PIK3CA: variants seen among roughly 807,000 people sequenced by gnomAD.
PIK3CA encodes the protein phosphatidylinositol-4,5-bisphosphate 3-kinase catalytic subunit alpha.
PIK3CA carries 27 observed loss-of-function variants against 138.2 expected under a neutral mutation model. That is an observed-to-expected ratio of 0.20 (90% CI 0.14 to 0.27). The LOEUF is 0.27. Among genes scored for constraint, PIK3CA ranks in the 10% least tolerant of loss-of-function variants. The pLI is 1.00. For synonymous variants in PIK3CA, 358 were observed against 413.2 expected (o/e 0.87, Z 1.62); for missense variants, 544 against 1,277.4 (o/e 0.43, Z 8.75).
intron 1 of PIK3CA, among the ~76,000 whole-genome samples, chr3:179,197,927 A>G (rs1461144668): frequency 6.6e-6 from 1 of 152,228 alleles, no homozygotes. Context: ...AATAGTTCTT[A>G]AAATATTACA....
chr3:179,170,861 T>G (rs1452690046), intron 1 of PIK3CA, among the ~76,000 whole-genome samples: 3 of 152,194 alleles, frequency 2.0e-5, no homozygotes, highest in Non-Finnish European at 2.9e-5. Context: ...GTTGGAGATT[T>G]TAATACTCTT....
intron 1 of PIK3CA, among the ~76,000 whole-genome samples, chr3:179,173,504 G>A (rs554985308): frequency 5.1e-4 from 77 of 151,340 alleles, no homozygotes; most frequent in Middle Eastern, 3.4e-3. Flanking sequence ...GCAGGAATCC[G>A]GGAGGCGGAG....
rs1204077784 is a variant in PIK3CA, at chr3:179,204,517, A to G, written c.1074A>G (p.Thr358=). 4 of 1,567,044 alleles carry G rather than the reference A, an allele frequency of 2.6e-6. No individual in the cohort carries two copies. The highest frequency in any genetic ancestry group is 2.7e-5 in the African/African-American group (2 of 74,016). The stretch of plus-strand genomic sequence containing the variant: ...TTTTCTTTTAGATCTATGTTCGAAC[A>G]GGTATCTACCATGGAGGAGAACCCT... ...IRDIDKIYVR[T]GIYHGGEPLC... The change falls in exon 6 of 21, where the codon ACA becomes ACG. Residue 358 remains threonine (T), a synonymous_variant. Coordinates refer to ENST00000263967, the MANE Select transcript of PIK3CA (RefSeq NM_006218.4).
Position 179,238,162 on chromosome 3 carries a change from G to T in PIK3CA, c.*3798G>T, listed in dbSNP as rs1333711865. On this transcript the variant is annotated 3_prime_UTR_variant, in exon 21 of 21. Transcript: ENST00000263967. ...TGTCTTTAAGAGAAGGCTGAAAGTT[G>T]TGAGAGTATATTGTATACCGTAAGA... The T allele has an allele frequency of 1.3e-5, 3 of 223,302 alleles. No individual in the cohort carries two copies. The highest frequency in any genetic ancestry group is 2.7e-5 in the Non-Finnish European group (3 of 111,688). 13.8% of individuals were successfully genotyped at this position (223,302 alleles called of 1,614,324 possible). A position where few individuals can be genotyped will look rare whatever the true frequency, so the allele number is the denominator to read the frequency against.
intron 1 of PIK3CA, among the ~76,000 whole-genome samples, chr3:179,190,727 T>C (rs556054299): frequency 1.3e-5 from 2 of 152,070 alleles, no homozygotes; most frequent in African/African-American, 4.8e-5. Flanking sequence ...GTCCAAGAAA[T>C]AAACTTGACA....
rs1725375214 is a variant in PIK3CA at position 179,238,524 on chromosome 3, A to G, written c.*4160A>G. Reference sequence around the variant, plus strand: ...AAAAAAATAGATGAGTCACAATTCAATACTTCAAGCTCAGAAACTGTGCAG... The same window carrying G: ...AAAAAAATAGATGAGTCACAATTCAGTACTTCAAGCTCAGAAACTGTGCAG... On this transcript the variant is annotated 3_prime_UTR_variant, in exon 21 of 21. Coordinates refer to ENST00000263967, the MANE Select transcript of PIK3CA (RefSeq NM_006218.4). 1.8e-5 allele frequency: 4 copies of G among 219,652 alleles called. No individual in the cohort carries two copies. Among genetic ancestry groups the G allele is most frequent in the South Asian group, 1.8e-4 (1 of 5,424 alleles). 13.6% of individuals were successfully genotyped at this position (219,652 alleles called of 1,614,324 possible). A position where few individuals can be genotyped will look rare whatever the true frequency, so the allele number is the denominator to read the frequency against.
intron 1 of PIK3CA, among the ~76,000 whole-genome samples, chr3:179,187,734 T>G (rs1191151110): frequency 6.6e-6 from 1 of 150,626 alleles, no homozygotes; most frequent in Non-Finnish European, 1.5e-5. Context: ...ACCTCCCGGG[T>G]TCAAGCTATT....
At position 179,236,635 on chromosome 3, in the gene PIK3CA, G is replaced by A. The variant is rs1240638746; in HGVS notation, c.*2271G>A. ...TTTTTATCTATCAGTCCAGATAGTT[G>A]TCTCCCCTCCTTCTCCCAGGACCTC... On this transcript the variant is annotated 3_prime_UTR_variant, in exon 21 of 21. Coordinates refer to ENST00000263967, the MANE Select transcript of PIK3CA (RefSeq NM_006218.4). The A allele has an allele frequency of 1.8e-5, 4 of 227,046 alleles. No individual in the cohort carries two copies. In the East Asian group the frequency reaches 1.9e-4, roughly 11 times the overall value. The allele number at this position is 227,046 out of a possible 1,614,324, so 14.1% of individuals were successfully genotyped here.
Position 179,162,610 on chromosome 3 carries a change from G to T in PIK3CA, c.-77+14007G>T, listed in dbSNP as rs139088480. 7.3e-4 allele frequency among the ~76,000 whole-genome samples: 111 copies of T among 152,010 alleles called. 3 individuals carry two copies. The East Asian group carries it at 0.02, about 28-fold the overall frequency. The stretch of plus-strand genomic sequence containing the variant: ...GAATTCTAGAGTAAATAGATGTAAG[G>T]CAAATATTTAAAAATCAATAGTTCT... On this transcript the variant is annotated intron_variant, in intron 1 of 20. Transcript: ENST00000263967.
intron 14 of PIK3CA, among the ~76,000 whole-genome samples, chr3:179,223,296 T>TC (rs1725009628): frequency 6.6e-6 from 1 of 152,172 alleles, no homozygotes; most frequent in South Asian, 2.1e-4. Context: ...AACCACTTTT[T>TC]CCCCCACTCA....
intron 17 of PIK3CA, among the ~76,000 whole-genome samples, chr3:179,226,804 A>C (rs2108420290): frequency 6.6e-6 from 1 of 152,296 alleles, no homozygotes; most frequent in South Asian, 2.1e-4. Context: ...TGCAAAGAAG[A>C]AAGTGGACAT....
chr3:179,207,423 T>A (rs1724592068), intron 6 of PIK3CA, among the ~76,000 whole-genome samples: 1 of 152,204 alleles, frequency 6.6e-6, no homozygotes, highest in African/African-American at 2.4e-5. Flanking sequence ...GCTGAACAAG[T>A]AGATTTGTAG....
intron 1 of PIK3CA, among the ~76,000 whole-genome samples, chr3:179,183,593 A>C (rs1723903366): frequency 6.6e-6 from 1 of 152,232 alleles, no homozygotes; most frequent in Non-Finnish European, 1.5e-5. Flanking sequence ...ATTTCAGTGC[A>C]CTATACATTC....
In PIK3CA at chr3:179,219,155, C is replaced by T. The variant is rs752696941; in HGVS notation, c.1665-41C>T. 1 of 1,209,532 alleles carries T rather than the reference C, an allele frequency of 8.3e-7. No individual in the cohort carries two copies. Among genetic ancestry groups the T allele is most frequent in the Non-Finnish European group, 1.2e-6 (1 of 817,676 alleles). The allele number at this position is 1,209,532 out of a possible 1,614,324, so 74.9% of individuals were successfully genotyped here. On this transcript the variant is annotated intron_variant, in intron 10 of 20. Coordinates refer to ENST00000263967, the MANE Select transcript of PIK3CA (RefSeq NM_006218.4). The surrounding 1 kb of genome is among the most constrained non-coding windows in gnomAD (Gnocchi z 4.2). ...TTAGACATGTCAACCTTTTGAACAG[C>T]ATGCAAGAATGTTTATGTTTATTTT...
chr3:179,197,083 G>A, intron 1 of PIK3CA, among the ~76,000 whole-genome samples: 1 of 151,938 alleles, frequency 6.6e-6, no homozygotes, highest in East Asian at 1.9e-4. Flanking sequence ...CTGTCGCCCA[G>A]ACTGGAGTGC....
At position 179,221,166 on chromosome 3, in the gene PIK3CA, C is replaced by T. The variant is rs1724957294; in HGVS notation, c.2187+9C>T. The T allele has an allele frequency of 6.2e-7, 1 of 1,608,190 alleles. No homozygotes were observed. The highest frequency in any genetic ancestry group is 1.3e-5 in the African/African-American group (1 of 74,702). On this transcript the variant is annotated intron_variant, in intron 14 of 20. Transcript: ENST00000263967. Reference sequence around the variant, plus strand: ...AGGATGAAACACAAAAGGTGTGTGACTCTAGTTTGTGTTTGAGACTCTTTT... The same window carrying T: ...AGGATGAAACACAAAAGGTGTGTGATTCTAGTTTGTGTTTGAGACTCTTTT...
intron 1 of PIK3CA, among the ~76,000 whole-genome samples, chr3:179,152,027 C>T (rs1295225634): frequency 6.6e-6 from 1 of 152,152 alleles, no homozygotes; most frequent in Non-Finnish European, 1.5e-5. Flanking sequence ...AGCACAGTAG[C>T]CTGTACATTA....
At chr3:179,179,343 C>G (rs1379082291) in intron 1 of PIK3CA, among the ~76,000 whole-genome samples, 1 of 152,188 alleles carries the variant, frequency 6.6e-6, no homozygotes, top group East Asian at 1.9e-4. Context: ...GAATCCCAAC[C>G]TGTTGCACTC....
intron 1 of PIK3CA, among the ~76,000 whole-genome samples, chr3:179,192,259 C>T (rs1189344087): frequency 6.6e-6 from 1 of 152,120 alleles, no homozygotes; most frequent in African/African-American, 2.4e-5. Flanking sequence ...GAAAAAGACC[C>T]AGGGGAAATT....
Sources: gnomAD v4.1 joint callset for allele counts (sites outside exome capture counted in the v4.1 genomes callset) on GRCh38, gnomAD v4.1.1 for gene constraint, Gnocchi (gnomAD v3.1) non-coding constraint, MANE v1.5 for transcripts, NCBI Gene and HGNC (gene_info 2026-07-23, HGNC 2026-07-21) for gene names.